The following TNS3 variants were observed in gnomAD, a reference collection of about 807,000 sequenced individuals.
TNS3 encodes the protein tensin-3.
In TNS3, 45 loss-of-function variants were observed where a neutral mutation model predicts 140.9. That is an observed-to-expected ratio of 0.32 (90% CI 0.25 to 0.41). The LOEUF is 0.41. Among genes scored for constraint, TNS3 ranks in the 10% least tolerant of loss-of-function variants. The pLI, the probability that TNS3 is intolerant of heterozygous loss-of-function variation, is 1.00. For synonymous variants in TNS3, 815 were observed against 788.4 expected (o/e 1.03, Z -0.56); for missense variants, 1,716 against 1,906.7 (o/e 0.90, Z 1.86).
At chr7:47,476,907 T>C (rs1797215379) in intron 4 of TNS3, among the ~76,000 whole-genome samples, 1 of 152,196 alleles carries the variant, frequency 6.6e-6, no homozygotes, top group Non-Finnish European at 1.5e-5. Flanking sequence ...TAATCTAACC[T>C]CACATCCCAC....
At chr7:47,353,641 T>C (rs1352730417) in intron 17 of TNS3, among the ~76,000 whole-genome samples, 1 of 152,222 alleles carries the variant, frequency 6.6e-6, no homozygotes, top group Non-Finnish European at 1.5e-5. Context: ...CATTTAATTG[T>C]TTGAGTCCAT....
chr7:47,515,903 A>G (rs1798763657), intron 2 of TNS3, among the ~76,000 whole-genome samples: 1 of 152,198 alleles, frequency 6.6e-6, no homozygotes, highest in African/African-American at 2.4e-5. Flanking sequence ...ATTCCTCACA[A>G]TGACTCTAAG....
intron 10 of TNS3, among the ~76,000 whole-genome samples, chr7:47,422,748 TC>T (rs1277711342): frequency 6.6e-6 from 1 of 152,146 alleles, no homozygotes; most frequent in Admixed American, 6.5e-5. Context: ...CAGCTGGACT[TC>T]CTGTGTGCCA....
intron 16 of TNS3, among the ~76,000 whole-genome samples, chr7:47,383,276 G>A (rs959264803): frequency 2.0e-5 from 3 of 152,346 alleles, no homozygotes; most frequent in East Asian, 3.9e-4. Context: ...CACAGGCTGA[G>A]TGAAAGAAGC....
intron 20 of TNS3, among the ~76,000 whole-genome samples, chr7:47,326,271 T>C (rs979363053): frequency 1.3e-5 from 2 of 152,162 alleles, no homozygotes; most frequent in Non-Finnish European, 2.9e-5. Flanking sequence ...ATGCAAATCA[T>C]CTTATGGATG....
intron 27 of TNS3, among the ~76,000 whole-genome samples, chr7:47,286,498 A>T (rs1245013634): frequency 1.3e-5 from 2 of 152,256 alleles, no homozygotes; most frequent in East Asian, 3.9e-4. Flanking sequence ...ATCCAATGCC[A>T]CTTGACAGGT....
chr7:47,372,562 A>C (rs1791136658), intron 16 of TNS3, among the ~76,000 whole-genome samples: 1 of 152,192 alleles, frequency 6.6e-6, no homozygotes, highest in Non-Finnish European at 1.5e-5. Flanking sequence ...GGAGGGTATG[A>C]ATAATCCTAT....
Position 47,303,267 on chromosome 7 carries a change from G to A in TNS3, c.3140C>T (p.Ala1047Val), listed in dbSNP as rs764207972. Residue 1047 changes from alanine to valine, a missense_variant, in exon 22 of 31, where the codon GCG becomes GTG. Physicochemically the swap from Ala to Val is moderately conservative, Grantham distance 64. Around this residue, in one of 3 missense-constraint regions of TNS3, gnomAD observed 1,163 missense variants for 1,182.1 expected, o/e 0.98. Transcript: ENST00000311160. ...CAGCGGGATGCTGGGGGTCGGTGAC[G>A]CTCCATGAGAATTGGCCAGCAAGGC... is the stretch of plus-strand genomic sequence containing the variant. ...LGALLANSHG[A>V]SPTPSIPLTA... The A allele has an allele frequency of 1.3e-5, 21 of 1,613,484 alleles. No individual in the cohort carries two copies. The highest frequency in any genetic ancestry group is 8.3e-5 in the Admixed American group (5 of 59,990).
intron 4 of TNS3, among the ~76,000 whole-genome samples, chr7:47,448,979 C>A (rs1795887176): frequency 1.3e-5 from 2 of 152,200 alleles, no homozygotes; most frequent in South Asian, 4.1e-4. Flanking sequence ...ACAATGATGT[C>A]TCCCTTGTGA....
chr7:47,552,454 C>T (rs375540688), intron 1 of TNS3, among the ~76,000 whole-genome samples: 1 of 152,322 alleles, frequency 6.6e-6, no homozygotes, highest in South Asian at 2.1e-4. Flanking sequence ...GGCAACCCCA[C>T]GTCAGTGCCA....
chr7:47,397,564 CT>C (rs1367190660), intron 15 of TNS3, among the ~76,000 whole-genome samples: 1 of 152,132 alleles, frequency 6.6e-6, no homozygotes, highest in Non-Finnish European at 1.5e-5. Flanking sequence ...TTCTAATTCT[CT>C]TTTTAAAATG....
At chr7:47,405,688 AT>A (rs1291527193) in intron 13 of TNS3, 6 of 670,862 alleles carry the variant, frequency 8.9e-6, no homozygotes, top group Non-Finnish European at 1.6e-5. Context: ...CAATCACAAA[AT>A]AATGCTGTGA....
At chr7:47,365,675 G>A (rs1224460388) in intron 17 of TNS3, among the ~76,000 whole-genome samples, 1 of 151,876 alleles carries the variant, frequency 6.6e-6, no homozygotes, top group African/African-American at 2.4e-5. Context: ...CAGGAGAATG[G>A]TGCGAACCCG....
intron 10 of TNS3, among the ~76,000 whole-genome samples, chr7:47,418,480 C>G (rs1028510344): frequency 3.3e-5 from 5 of 152,194 alleles, no homozygotes; most frequent in African/African-American, 9.7e-5. Context: ...TAAAGACCAT[C>G]CCAACAGCCT....
intron 20 of TNS3, among the ~76,000 whole-genome samples, chr7:47,307,503 G>A (rs748863880): frequency 6.6e-6 from 1 of 152,168 alleles, no homozygotes; most frequent in Non-Finnish European, 1.5e-5. Flanking sequence ...TGGAATGGCT[G>A]GACCATATGG....
chr7:47,282,727 C>T (rs76142438), intron 28 of TNS3, among the ~76,000 whole-genome samples: 245 of 152,252 alleles, frequency 1.6e-3, no homozygotes, highest in African/African-American at 4.9e-3. Context: ...GGGCACTGAA[C>T]GGGTCTGACC....
chr7:47,355,871 T>C (rs547319611), intron 17 of TNS3, among the ~76,000 whole-genome samples: 9 of 151,918 alleles, frequency 5.9e-5, no homozygotes, highest in African/African-American at 2.2e-4. Context: ...GGAAGTGGGA[T>C]GAGGGAGGGG....
At chr7:47,483,863 C>G (rs2151800342) in intron 3 of TNS3, among the ~76,000 whole-genome samples, 1 of 152,374 alleles carries the variant, frequency 6.6e-6, no homozygotes, top group South Asian at 2.1e-4. Flanking sequence ...CTCCATCCAT[C>G]ACTTGTGCTG....
At chr7:47,573,885 T>C (rs1800614417) in intron 1 of TNS3, among the ~76,000 whole-genome samples, 1 of 152,240 alleles carries the variant, frequency 6.6e-6, no homozygotes, top group African/African-American at 2.4e-5. Context: ...GCTGTTGACA[T>C]TCCTGATTTG....
Sources: allele counts gnomAD v4.1 joint callset (sites outside exome capture counted in the v4.1 genomes callset), GRCh38; gene constraint gnomAD v4.1.1; regional missense constraint gnomAD v4.1.1; transcripts MANE v1.5; gene names NCBI Gene and HGNC (gene_info 2026-07-23, HGNC 2026-07-21).